AKAP12: variants seen among roughly 807,000 people sequenced by gnomAD.
AKAP12 encodes the protein A-kinase anchor protein 12.
Under a neutral mutation model 79.9 loss-of-function variants are expected in AKAP12, and 32 were observed. The ratio of observed to expected loss-of-function variants is 0.40; its 90% CI spans 0.30 to 0.54. The LOEUF (loss-of-function observed/expected upper bound fraction) is 0.54, where lower values mean the gene tolerates loss of function less well. Ranked by LOEUF, AKAP12 falls within the 20% of genes least tolerant of loss-of-function variation. AKAP12 has a pLI of 0.48. For synonymous variants in AKAP12, 808 were observed against 857.0 expected (o/e 0.94, Z 1.00); for missense variants, 2,074 against 2,177.0 (o/e 0.95, Z 0.94).
intron 3 of AKAP12, among the ~76,000 whole-genome samples, chr6:151,320,635 T>G (rs952503062): frequency 6.6e-6 from 1 of 152,140 alleles, no homozygotes; most frequent in Non-Finnish European, 1.5e-5. Flanking sequence ...CACTGCATCT[T>G]TCATCTTGTG....
chr6:151,245,991 T>TA (rs1486464323), intron 2 of AKAP12, among the ~76,000 whole-genome samples: 1 of 152,204 alleles, frequency 6.6e-6, no homozygotes, highest in Admixed American at 6.5e-5. Flanking sequence ...CCCCCATTCT[T>TA]ATTAATTTGG....
At chr6:151,243,154 G>T (rs1797010456) in intron 2 of AKAP12, among the ~76,000 whole-genome samples, 1 of 152,164 alleles carries the variant, frequency 6.6e-6, no homozygotes, top group African/African-American at 2.4e-5. Context: ...ATCTTAAATA[G>T]ACAAATATAT....
intron 2 of AKAP12, among the ~76,000 whole-genome samples, chr6:151,289,945 A>G (rs1776579175): frequency 6.6e-6 from 1 of 152,200 alleles, no homozygotes; most frequent in South Asian, 2.1e-4. Flanking sequence ...CTTGGGTAAC[A>G]TGATGACTAG....
At chr6:151,336,146 A>G (rs1008210904) in intron 3 of AKAP12, among the ~76,000 whole-genome samples, 4 of 152,052 alleles carry the variant, frequency 2.6e-5, no homozygotes, top group South Asian at 2.1e-4. Flanking sequence ...TATGGACCAC[A>G]TTTTCTTTAT....
At chr6:151,291,458 G>T (rs1776619099) in intron 2 of AKAP12, among the ~76,000 whole-genome samples, 1 of 152,100 alleles carries the variant, frequency 6.6e-6, no homozygotes, top group Non-Finnish European at 1.5e-5. Context: ...GCTAAGAAGG[G>T]GTCTTACCAT....
intron 3 of AKAP12, among the ~76,000 whole-genome samples, chr6:151,326,973 C>A (rs191402268): frequency 3.1e-4 from 47 of 152,154 alleles, no homozygotes; most frequent in African/African-American, 1.0e-3. Context: ...CGTGCCACCA[C>A]GCCCAGATAA....
At chr6:151,271,867 C>G (rs1452904755) in intron 2 of AKAP12, among the ~76,000 whole-genome samples, 2 of 151,812 alleles carry the variant, frequency 1.3e-5, no homozygotes, top group African/African-American at 4.8e-5. Context: ...ACCATGTTGG[C>G]CAGGTTGGTC....
chr6:151,310,426 T>C (rs1777069118), intron 3 of AKAP12, among the ~76,000 whole-genome samples: 1 of 152,134 alleles, frequency 6.6e-6, no homozygotes. Flanking sequence ...CATTGTATCT[T>C]GGGCTGAGAC....
chr6:151,358,184 G>A lies in AKAP12; in HGVS notation c.*2470G>A, dbSNP rs1354869847. 6.6e-6 allele frequency: 1 copy of A among 152,190 alleles called. No homozygotes were observed. Among genetic ancestry groups the A allele is most frequent in the African/African-American group, 2.4e-5 (1 of 41,444 alleles). 9.4% of individuals were successfully genotyped at this position (152,190 alleles called of 1,614,324 possible). The stretch of plus-strand genomic sequence containing the variant: ...AGTACATAATAATCTAATGTAAACT[G>A]CAGAAGTCAGAGCAAGTGCCTACAT... On this transcript the variant is annotated 3_prime_UTR_variant, in exon 5 of 5. Transcript: ENST00000402676.
intron 2 of AKAP12, among the ~76,000 whole-genome samples, chr6:151,261,533 C>T (rs1797434036): frequency 6.6e-6 from 1 of 151,452 alleles, no homozygotes; most frequent in Admixed American, 6.6e-5. Flanking sequence ...ATACAAACCC[C>T]GTCTTTAAAA....
intron 2 of AKAP12, among the ~76,000 whole-genome samples, chr6:151,270,812 T>C (rs1457261175): frequency 6.6e-6 from 1 of 151,998 alleles, no homozygotes; most frequent in Non-Finnish European, 1.5e-5. Context: ...GTGAATGAAA[T>C]ATCTGGTAGT....
At chr6:151,256,196 T>C (rs1029413332) in intron 2 of AKAP12, among the ~76,000 whole-genome samples, 2 of 152,182 alleles carry the variant, frequency 1.3e-5, no homozygotes, top group Non-Finnish European at 2.9e-5. Context: ...TGAAAAATAG[T>C]CTAGGAAAAG....
At chr6:151,335,085 C>T (rs1164646107) in intron 3 of AKAP12, among the ~76,000 whole-genome samples, 1 of 152,080 alleles carries the variant, frequency 6.6e-6, no homozygotes, top group Non-Finnish European at 1.5e-5. Flanking sequence ...TTTGACAAAG[C>T]GTGATGGTGA....
intron 2 of AKAP12, among the ~76,000 whole-genome samples, chr6:151,286,377 C>T (rs1027057701): frequency 6.6e-6 from 1 of 152,192 alleles, no homozygotes; most frequent in Non-Finnish European, 1.5e-5. Flanking sequence ...CACATACGTT[C>T]TACTTTGCTT....
intron 2 of AKAP12, among the ~76,000 whole-genome samples, chr6:151,278,828 C>T (rs13201564): frequency 0.25 from 38,129 of 151,888 alleles, 6,062 homozygotes; most frequent in Non-Finnish European, 0.37. Flanking sequence ...CCACCATGCC[C>T]GGCTAATTTT....
At chr6:151,331,492 G>T (rs1360446231) in intron 3 of AKAP12, among the ~76,000 whole-genome samples, 2 of 152,128 alleles carry the variant, frequency 1.3e-5, no homozygotes, top group Non-Finnish European at 2.9e-5. Flanking sequence ...CCTACCCAAG[G>T]TCTCGCTTGG....
chr6:151,292,666 T>C (rs968432672), intron 2 of AKAP12, among the ~76,000 whole-genome samples: 2 of 152,218 alleles, frequency 1.3e-5, no homozygotes, highest in African/African-American at 4.8e-5. Context: ...CATTGAATGG[T>C]AATATGTTAC....
chr6:151,312,870 G>A (rs556703043), intron 3 of AKAP12, among the ~76,000 whole-genome samples: 2 of 151,920 alleles, frequency 1.3e-5, no homozygotes, highest in South Asian at 4.2e-4. Context: ...CATGGCAGGA[G>A]ATGGGGTGAG....
intron 3 of AKAP12, chr6:151,320,006 TGAGAG>T (rs1044063371): frequency 3.3e-5 from 5 of 152,170 alleles, no homozygotes; most frequent in African/African-American, 1.2e-4. Flanking sequence ...AAAGAGAAAA[TGAGAG>T]GAGAGGAGGC....
Sources: allele counts gnomAD v4.1 joint callset (sites outside exome capture counted in the v4.1 genomes callset), GRCh38; gene constraint gnomAD v4.1.1; transcripts MANE v1.5; gene names NCBI Gene and HGNC (gene_info 2026-07-23, HGNC 2026-07-21).